GBF1: variants seen among roughly 807,000 people sequenced by gnomAD.
GBF1 encodes the protein Golgi-specific brefeldin A-resistance guanine nucleotide exchange factor 1.
In GBF1, 114 loss-of-function variants were observed where a neutral mutation model predicts 210.5. The ratio of observed to expected loss-of-function variants is 0.54; its 90% CI spans 0.47 to 0.63. The LOEUF (loss-of-function observed/expected upper bound fraction) is 0.63. Among genes scored for constraint, GBF1 ranks in the 30% least tolerant of loss-of-function variants. GBF1 has a pLI of 0.00. For synonymous variants in GBF1, 850 were observed against 889.2 expected (o/e 0.96, Z 0.78); for missense variants, 1,851 against 2,357.7 (o/e 0.79, Z 4.45).
intron 3 of GBF1, among the ~76,000 whole-genome samples, chr10:102,338,898 A>G (rs2057969489): frequency 6.6e-6 from 1 of 152,184 alleles, no homozygotes; most frequent in African/African-American, 2.4e-5. Flanking sequence ...TAGGCACAAC[A>G]TAGCAAAGAT....
intron 3 of GBF1, among the ~76,000 whole-genome samples, chr10:102,283,855 A>C (rs1028908003): frequency 2.0e-5 from 3 of 152,130 alleles, no homozygotes; most frequent in Non-Finnish European, 4.4e-5. Context: ...AGAGGAGGAA[A>C]TTTCTTACTG....
intron 29 of GBF1, among the ~76,000 whole-genome samples, chr10:102,374,409 G>A (rs780235687): frequency 6.6e-6 from 1 of 151,990 alleles, no homozygotes; most frequent in Non-Finnish European, 1.5e-5. Flanking sequence ...GGAAGGAGGA[G>A]GTGGGTGTGG....
Position 102,376,664 on chromosome 10 carries a change from A to G in GBF1, c.4152A>G (p.Pro1384=), listed in dbSNP as rs2060514976. Residue 1384 remains proline, a synonymous_variant, in exon 32 of 40, where the codon CCA becomes CCG. Coordinates refer to ENST00000369983, the MANE Select transcript of GBF1 (RefSeq NM_001377137.1). The stretch of plus-strand genomic sequence containing the variant: ...TAACAGTGGGACTGGATTTGGGGCC[A>G]CACGACACTAAGTCTCTGCTTAAGT... ...YSLTVGLDLG[P]HDTKSLLKCV... 6.2e-7 allele frequency: 1 copy of G among 1,613,946 alleles called. No individual in the cohort carries two copies. The highest frequency in any genetic ancestry group is 1.3e-5 in the African/African-American group (1 of 74,906).
Position 102,370,738 on chromosome 10 carries a change from C to G in GBF1, c.3538C>G (p.Arg1180Gly). Residue 1180 changes from arginine to glycine, a missense_variant, in exon 29 of 40, where the codon CGA becomes GGA. Arg to Gly is a moderately radical substitution (Grantham distance 125). Transcript: ENST00000369983. ...TGTGGGCTGTGTGTGGCAGACTGTT[C>G]GAGACCATCTATACCACCTCTGTGT... Reference protein sequence around the residue: ...DRVGCVWQTVRDHLYHLCVQA... With the variant: ...DRVGCVWQTVGDHLYHLCVQA... 1 of 1,613,990 alleles carries G rather than the reference C, an allele frequency of 6.2e-7. No individual in the cohort carries two copies. Among genetic ancestry groups the G allele is most frequent in the Non-Finnish European group, 8.5e-7 (1 of 1,179,902 alleles).
At chr10:102,314,724 A>C (rs1221597200) in intron 3 of GBF1, among the ~76,000 whole-genome samples, 1 of 152,196 alleles carries the variant, frequency 6.6e-6, no homozygotes, top group Non-Finnish European at 1.5e-5. Flanking sequence ...AAGTTAGCAG[A>C]AGCATAATTT....
chr10:102,324,690 G>T (rs113605922), intron 3 of GBF1, among the ~76,000 whole-genome samples: 1 of 152,216 alleles, frequency 6.6e-6, no homozygotes, highest in African/African-American at 2.4e-5. Flanking sequence ...AGGTTCAAGC[G>T]ATTCTCCTGC....
At chr10:102,342,431 G>A (rs1013491971) in intron 3 of GBF1, among the ~76,000 whole-genome samples, 13 of 151,296 alleles carry the variant, frequency 8.6e-5, no homozygotes, top group African/African-American at 1.9e-4. Context: ...ACACACACAC[G>A]TTCTTCTCTA....
chr10:102,371,703 C>A (rs2060213995), intron 29 of GBF1, among the ~76,000 whole-genome samples: 1 of 152,144 alleles, frequency 6.6e-6, no homozygotes, highest in Non-Finnish European at 1.5e-5. Context: ...CCACAGCGGG[C>A]AGATCACTTG....
At chr10:102,301,977 T>C (rs1351459635) in intron 3 of GBF1, among the ~76,000 whole-genome samples, 1 of 152,130 alleles carries the variant, frequency 6.6e-6, no homozygotes, top group African/African-American at 2.4e-5. Flanking sequence ...TGGGCAACAT[T>C]GAGCATTGAG....
Position 102,369,979 on chromosome 10 carries a change from A to G in GBF1, c.3334A>G (p.Ile1112Val). 3 of 1,614,196 alleles carry G rather than the reference A, an allele frequency of 1.9e-6. No homozygotes were observed. The highest frequency in any genetic ancestry group is 2.5e-6 in the Non-Finnish European group (3 of 1,180,012). Residue 1112 changes from isoleucine to valine, a missense_variant, in exon 26 of 40, where the codon ATA becomes GTA. Ile to Val is a conservative substitution (Grantham distance 29). Coordinates refer to ENST00000369983, the MANE Select transcript of GBF1 (RefSeq NM_001377137.1). ...QEAKRVALECIKQCDPEKMIT... is the reference protein window; with the variant it reads ...QEAKRVALECVKQCDPEKMIT... ...GGCCAAGAGAGTGGCCTTAGAGTGT[A>G]TAAAGGTAACTGCCCATCCACCCCT...
At chr10:102,322,770 G>T (rs922873263) in intron 3 of GBF1, among the ~76,000 whole-genome samples, 2 of 148,422 alleles carry the variant, frequency 1.3e-5, no homozygotes, top group Non-Finnish European at 3.0e-5. Flanking sequence ...GTGCATGTCT[G>T]TAGTCCCAGT....
chr10:102,375,216 AG>A, intron 29 of GBF1, 142 bp from the exon 30 acceptor site: 4 of 552,844 alleles, frequency 7.2e-6, no homozygotes, highest in East Asian at 2.9e-5. Context: ...AAAAAAAAAA[AG>A]ACCAGAGCAG....
intron 5 of GBF1, 111 bp from the exon 6 acceptor site, chr10:102,351,732 C>T (rs2058991128): frequency 2.9e-6 from 2 of 689,798 alleles, no homozygotes; most frequent in Admixed American, 2.2e-5. Flanking sequence ...TTCTTGGAGA[C>T]CTCTCTACCA....
At chr10:102,291,171 C>CTTTGTTTGTTTGTTTG in intron 3 of GBF1, among the ~76,000 whole-genome samples, 1 of 151,722 alleles carries the variant, frequency 6.6e-6, no homozygotes, top group African/African-American at 2.4e-5. Flanking sequence ...CTATTCACTG[C>CTTTGTTTGTTTGTTTG]TTTGTTTGTT....
intron 1 of GBF1, among the ~76,000 whole-genome samples, chr10:102,255,045 G>A (rs1164998680): frequency 1.3e-5 from 2 of 151,874 alleles, no homozygotes; most frequent in African/African-American, 4.8e-5. Context: ...TTCCCTAGAT[G>A]TTTCTTTTTT....
At chr10:102,359,473 C>T in intron 11 of GBF1, 38 bp downstream of exon 11, 3 of 1,493,700 alleles carry the variant, frequency 2.0e-6, no homozygotes, top group Non-Finnish European at 2.8e-6. Context: ...TCACCTCCCC[C>T]ATCCTACCTA....
chr10:102,330,707 T>A (rs1029912918), intron 3 of GBF1, among the ~76,000 whole-genome samples: 10 of 151,610 alleles, frequency 6.6e-5, no homozygotes, highest in African/African-American at 2.4e-4. Flanking sequence ...TAAATAAAAA[T>A]AATATAATGT....
At position 102,382,255 on chromosome 10, in the gene GBF1, G is replaced by T. The variant is rs141960109; in HGVS notation, c.5502G>T (p.Ala1834=). 1.2e-5 allele frequency: 20 copies of T among 1,613,780 alleles called. No individual in the cohort carries two copies. The highest frequency in any genetic ancestry group is 2.7e-5 in the African/African-American group (2 of 74,868). Residue 1834 remains alanine (A), a synonymous_variant, in exon 40 of 40, where the codon GCG becomes GCT. Coordinates refer to ENST00000369983, the MANE Select transcript of GBF1 (RefSeq NM_001377137.1). ...PMTLPIILNP[A]LIEATSPVPL... is the part of the protein sequence containing the mutation. ...CTCTGCCCATCATCCTCAACCCTGC[G>T]CTCATCGAGGCCACCTCACCAGTGC...
intron 3 of GBF1, among the ~76,000 whole-genome samples, chr10:102,304,837 A>G (rs752843041): frequency 2.4e-4 from 37 of 152,078 alleles, no homozygotes; most frequent in Admixed American, 4.6e-4. Context: ...CTTATGTAGT[A>G]GTAAGTAAAT....
Sources: gnomAD v4.1 joint callset for allele counts (sites outside exome capture counted in the v4.1 genomes callset) on GRCh38, gnomAD v4.1.1 for gene constraint, MANE v1.5 for transcripts, NCBI Gene and HGNC (gene_info 2026-07-23, HGNC 2026-07-21) for gene names.